Variants in CEP70 observed in about 807,000 individuals in gnomAD.
The protein encoded by CEP70 is centrosomal protein of 70 kDa.
A neutral mutation model predicts 90.9 loss-of-function variants in CEP70; 70 were observed. That is an observed-to-expected ratio of 0.77 (90% confidence interval 0.64 to 0.94). CEP70 has a LOEUF of 0.94. CEP70 is among the 40% of genes least tolerant of loss of function. The pLI is 0.00. For missense variants in CEP70, 648 were observed against 669.0 expected (o/e 0.97, Z 0.35); for synonymous variants, 220 against 228.3 (o/e 0.96, Z 0.33).
At chr3:138,524,792 A>G (rs2037040423) in intron 11 of CEP70, among the ~76,000 whole-genome samples, 1 of 152,178 alleles carries the variant, frequency 6.6e-6, no homozygotes, top group African/African-American at 2.4e-5. Context: ...GTGGAGAAAT[A>G]GGAACACTTT....
intron 6 of CEP70, among the ~76,000 whole-genome samples, chr3:138,539,847 G>A (rs774168571): frequency 3.9e-5 from 6 of 152,048 alleles, no homozygotes; most frequent in Non-Finnish European, 5.9e-5. Context: ...ATTCAAATAA[G>A]CCTACCCCAA....
intron 7 of CEP70, 35 bp from the exon 8 acceptor site, chr3:138,532,605 CGGT>C: frequency 1.4e-6 from 2 of 1,417,746 alleles, no homozygotes; most frequent in Non-Finnish European, 1.9e-6. Context: ...TTTCAAAATG[CGGT>C]ATGGTATTAC....
chr3:138,526,954 A>G (rs1418004842), intron 10 of CEP70, among the ~76,000 whole-genome samples: 1 of 152,190 alleles, frequency 6.6e-6, no homozygotes, highest in African/African-American at 2.4e-5. Context: ...TAATTTGTCA[A>G]TTAGCAATTA....
Position 138,591,099 on chromosome 3 carries a change from G to A in CEP70, c.-6+755C>T, listed in dbSNP as rs540450648. Among the ~76,000 whole-genome samples, 13 of 152,252 alleles carry A rather than the reference G, an allele frequency of 8.5e-5. No individual in the cohort carries two copies. In the East Asian group the frequency reaches 1.5e-3, roughly 18 times the overall value. On this transcript the variant is annotated intron_variant, in intron 2 of 17. Transcript: ENST00000264982. ...AAAATAAAGCTGGTACGGGTTGAAC[G>A]TTCCTAATATGAATATTTGAAATCC...
At chr3:138,535,394 G>C (rs1298288513) in intron 7 of CEP70, among the ~76,000 whole-genome samples, 1 of 151,984 alleles carries the variant, frequency 6.6e-6, no homozygotes, top group Non-Finnish European at 1.5e-5. Context: ...CCACCTTATA[G>C]TACATACCAC....
chr3:138,496,832 T>G (rs2033985101), intron 17 of CEP70: 57 of 985,462 alleles, frequency 5.8e-5, no homozygotes, highest in Non-Finnish European at 6.9e-5. Context: ...CAAATGATCT[T>G]TATGAACCAT....
chr3:138,523,680 C>A (rs1327618421), intron 11 of CEP70, among the ~76,000 whole-genome samples: 2 of 152,082 alleles, frequency 1.3e-5, no homozygotes, highest in Admixed American at 6.6e-5. Context: ...ACGTGAAGGA[C>A]CTCTTCAAGG....
chr3:138,499,360 T>G (rs1240688281), intron 16 of CEP70, among the ~76,000 whole-genome samples: 1 of 152,192 alleles, frequency 6.6e-6, no homozygotes, highest in African/African-American at 2.4e-5. Context: ...TAAAAACTCC[T>G]CAACATTTAT....
intron 6 of CEP70, among the ~76,000 whole-genome samples, chr3:138,546,985 T>G (rs1300094016): frequency 6.6e-6 from 1 of 152,186 alleles, no homozygotes; most frequent in Non-Finnish European, 1.5e-5. Context: ...CTTCTGGAAC[T>G]ATTTCATCTT....
chr3:138,520,804 G>A (rs867100475), intron 11 of CEP70, among the ~76,000 whole-genome samples: 41 of 151,882 alleles, frequency 2.7e-4, no homozygotes, highest in Middle Eastern at 3.4e-3. Context: ...CCCTTTTCAC[G>A]GTCTCCCCCT....
rs1313827855 is a variant in CEP70 at position 138,500,536 on chromosome 3, T to C, written c.1400A>G (p.Gln467Arg). ...DSNMPHFQTL[Q>R]AIVSHFQKLF... ...CTTTTGGAAGTGAGAAACAATAGCT[T>C]GCAAAGTTTGAAAGTGTGGCATATT... The change falls in exon 15 of 18, where the codon CAA becomes CGA. Residue 467 changes from glutamine (Q) to arginine (R), a missense_variant. Physicochemically the swap from Gln to Arg is conservative, Grantham distance 43. Transcript: ENST00000264982. The C allele has an allele frequency of 1.1e-5, 17 of 1,609,356 alleles. No homozygotes were observed. In the Admixed American group the frequency reaches 2.7e-4, roughly 26 times the overall value.
At position 138,522,518 on chromosome 3, in the gene CEP70, G is replaced by T. The variant is rs563924530; in HGVS notation, c.944+2972C>A. ...GAAAAGAGAGAAGAATCAAATAGACGCAACAAAAAATGATAAAGGGGATAT... is the reference window on the plus strand; with the variant it reads ...GAAAAGAGAGAAGAATCAAATAGACTCAACAAAAAATGATAAAGGGGATAT... On this transcript the variant is annotated intron_variant, in intron 11 of 17. Transcript: ENST00000264982. Among the ~76,000 whole-genome samples, 719 of 152,030 alleles carry T rather than the reference G, an allele frequency of 4.7e-3. 4 individuals are homozygous for T. The highest frequency in any genetic ancestry group is 0.017 in the African/African-American group (693 of 41,452).
chr3:138,494,763 T>C lies in CEP70; in HGVS notation c.*252A>G, dbSNP rs2033859143. ...AACTCCACTCTAAAACAACCTTAAA[T>C]TTTAAGCACTCAATAATTGCTTTAG... is the stretch of plus-strand genomic sequence containing the variant. On this transcript the variant is annotated 3_prime_UTR_variant, in exon 18 of 18. Coordinates refer to ENST00000264982, the MANE Select transcript of CEP70 (RefSeq NM_024491.4). 1 of 279,726 alleles carries C rather than the reference T, an allele frequency of 3.6e-6. No individual in the cohort carries two copies. Among genetic ancestry groups the C allele is most frequent in the African/African-American group, 2.3e-5 (1 of 44,316 alleles). The allele number at this position is 279,726 out of a possible 1,614,324, so 17.3% of individuals were successfully genotyped here.
At chr3:138,500,991 AAATT>A (rs1313552727) in intron 13 of CEP70, 110 bp from the exon 14 acceptor site, 5 of 387,554 alleles carry the variant, frequency 1.3e-5, no homozygotes, top group Non-Finnish European at 2.1e-5. Context: ...ATGTTTTATA[AAATT>A]AATAAAACAT....
intron 7 of CEP70, among the ~76,000 whole-genome samples, chr3:138,535,591 C>T (rs1290912719): frequency 6.6e-6 from 1 of 152,112 alleles, no homozygotes; most frequent in Non-Finnish European, 1.5e-5. Flanking sequence ...GTTTAATTCA[C>T]AATTTTTCAT....
chr3:138,539,637 A>T (rs1186093648), intron 6 of CEP70, among the ~76,000 whole-genome samples: 1 of 152,186 alleles, frequency 6.6e-6, no homozygotes, highest in Non-Finnish European at 1.5e-5. Context: ...AGAGAAGAAA[A>T]AAGAAAAAAG....
At chr3:138,523,156 C>T (rs919388575) in intron 11 of CEP70, among the ~76,000 whole-genome samples, 1 of 148,210 alleles carries the variant, frequency 6.7e-6, no homozygotes, top group African/African-American at 2.6e-5. Flanking sequence ...CAGAAAAGGC[C>T]TTTGACAAAA....
At chr3:138,523,775 A>G (rs944295503) in intron 11 of CEP70, among the ~76,000 whole-genome samples, 2 of 152,178 alleles carry the variant, frequency 1.3e-5, no homozygotes, top group African/African-American at 4.8e-5. Flanking sequence ...GGAAGAATCA[A>G]TATCGTGAAA....
intron 6 of CEP70, among the ~76,000 whole-genome samples, chr3:138,539,942 T>C (rs2038611153): frequency 6.6e-6 from 1 of 152,010 alleles, no homozygotes; most frequent in African/African-American, 2.4e-5. Context: ...CCAAAAGCAA[T>C]TGCAACAGAA....
Sources: allele counts gnomAD v4.1 joint callset (sites outside exome capture counted in the v4.1 genomes callset), GRCh38; gene constraint gnomAD v4.1.1; transcripts MANE v1.5; gene names NCBI Gene and HGNC (gene_info 2026-07-23, HGNC 2026-07-21).